UGT2B11: variants seen among roughly 807,000 people sequenced by gnomAD.
UGT2B11 encodes the protein UDP-glucuronosyltransferase 2B11.
UGT2B11 carries 49 observed loss-of-function variants against 51.7 expected under a neutral mutation model. The ratio of observed to expected loss-of-function variants is 0.95; its 90% CI spans 0.75 to 1.20. The LOEUF (loss-of-function observed/expected upper bound fraction) is 1.20. UGT2B11 is among the 50% of genes most tolerant of loss of function. The pLI is 0.00. For synonymous variants in UGT2B11, 273 were observed against 209.0 expected (o/e 1.31, Z -2.64); for missense variants, 810 against 622.1 (o/e 1.30, Z -3.21).
the UGT2B11 span, among the ~76,000 whole-genome samples, chr4:69,222,733 C>T: frequency 6.6e-6 from 1 of 152,244 alleles, no homozygotes; most frequent in Non-Finnish European, 1.5e-5. Flanking sequence ...TCAGGATCAT[C>T]TGAGAATTTC....
the UGT2B11 span, among the ~76,000 whole-genome samples, chr4:69,220,733 T>C: frequency 6.6e-6 from 1 of 151,810 alleles, no homozygotes; most frequent in Non-Finnish European, 1.5e-5. Flanking sequence ...TTTCTATTCA[T>C]TCTCTTATTT....
intron 5 of UGT2B11, among the ~76,000 whole-genome samples, chr4:69,203,218 T>C (rs915414013): frequency 1.3e-5 from 2 of 151,722 alleles, no homozygotes; most frequent in African/African-American, 4.8e-5. Context: ...TAGACATGTT[T>C]TCTAAGAAGA....
intron 3 of UGT2B11, among the ~76,000 whole-genome samples, chr4:69,206,835 G>A (rs561430260): frequency 6.6e-6 from 1 of 151,626 alleles, no homozygotes; most frequent in South Asian, 2.1e-4. Flanking sequence ...AATATGAGAA[G>A]TAGTTTAAAT....
rs72551394 is a variant in UGT2B11, at chr4:69,200,601, G to T, written c.1429C>A (p.Arg477=). The change falls in exon 6 of 6, where the codon CGA becomes AGA. Residue 477 remains arginine, a synonymous_variant. Coordinates refer to ENST00000446444, the MANE Select transcript of UGT2B11 (RefSeq NM_001073.3). ...CAGGTGAGGTCATGGGCTGCAACTC[G>T]AAGGTGTTTGGCTCCTTTGTGGGGC... ...VMPHKGAKHL[R]VAAHDLTWFQ... 60,785 of 1,612,174 alleles carry T rather than the reference G, an allele frequency of 0.038. 1,308 individuals carry two copies. The highest frequency in any genetic ancestry group is 0.19 in the East Asian group (8,553 of 44,678).
intron 3 of UGT2B11, among the ~76,000 whole-genome samples, chr4:69,207,831 ATCT>A (rs1393204657): frequency 6.6e-6 from 1 of 151,640 alleles, no homozygotes; most frequent in African/African-American, 2.4e-5. Flanking sequence ...AGTAAGTGAA[ATCT>A]TCTTCACTCA....
intron 1 of UGT2B11, among the ~76,000 whole-genome samples, chr4:69,213,094 C>T (rs1476595868): frequency 1.3e-5 from 2 of 151,356 alleles, no homozygotes; most frequent in Non-Finnish European, 1.5e-5. Flanking sequence ...TCTACTGTAC[C>T]CATAAAACCA....
chr4:69,206,341 G>C (rs917161117), intron 3 of UGT2B11, among the ~76,000 whole-genome samples: 2 of 151,672 alleles, frequency 1.3e-5, no homozygotes, highest in African/African-American at 4.8e-5. Context: ...GATGGAGCTG[G>C]AGGCCGTTAG....
chr4:69,219,705 A>G (rs1722363869), upstream of UGT2B11, among the ~76,000 whole-genome samples: 1 of 151,910 alleles, frequency 6.6e-6, no homozygotes, highest in Non-Finnish European at 1.5e-5. Flanking sequence ...AAACTATAAG[A>G]TCTCAAGACA....
At position 69,204,711 on chromosome 4, in the gene UGT2B11, G is replaced by C. The variant is rs1194410843; in HGVS notation, c.1091-62C>G. 8.1e-6 allele frequency: 13 copies of C among 1,607,464 alleles called. No individual in the cohort carries two copies. In the African/African-American group the frequency reaches 1.2e-4, roughly 15 times the overall value. ...GAATAAAATGAGATGCACAATGAAA[G>C]GTTCTGAAAGTGACAGTGTTTTCTA... is the stretch of plus-strand genomic sequence containing the variant. On this transcript the variant is annotated intron_variant, in intron 4 of 5. Coordinates refer to ENST00000446444, the MANE Select transcript of UGT2B11 (RefSeq NM_001073.3).
intron 2 of UGT2B11, among the ~76,000 whole-genome samples, chr4:69,212,176 A>G (rs1329614163): frequency 1.3e-5 from 2 of 151,602 alleles, no homozygotes; most frequent in South Asian, 2.1e-4. Context: ...ACTTTTCTAT[A>G]TATCAAAGTA....
the UGT2B11 span, among the ~76,000 whole-genome samples, chr4:69,220,642 G>A: frequency 2.0e-5 from 3 of 151,232 alleles, no homozygotes; most frequent in Non-Finnish European, 4.4e-5. Flanking sequence ...GGCTGTCACA[G>A]GCCTACAAAA....
chr4:69,210,787 C>T (rs1722032031), intron 2 of UGT2B11, among the ~76,000 whole-genome samples: 1 of 151,478 alleles, frequency 6.6e-6, no homozygotes, highest in Non-Finnish European at 1.5e-5. Flanking sequence ...TGAGTTTTAA[C>T]AATGGAATAA....
the UGT2B11 span, among the ~76,000 whole-genome samples, chr4:69,224,928 T>C: frequency 1.3e-5 from 2 of 152,150 alleles, no homozygotes; most frequent in South Asian, 4.1e-4. Flanking sequence ...CAAAGACAAT[T>C]AACATGTCTT....
intron 1 of UGT2B11, 90 bp downstream of exon 1, chr4:69,213,912 C>T: frequency 6.9e-7 from 1 of 1,439,638 alleles, no homozygotes; most frequent in Non-Finnish European, 9.1e-7. Flanking sequence ...CCAAAAACTC[C>T]ACTTCCCTGA....
chr4:69,207,271 C>T (rs1577962427), intron 3 of UGT2B11, among the ~76,000 whole-genome samples: 2 of 151,630 alleles, frequency 1.3e-5, no homozygotes, highest in African/African-American at 2.4e-5. Context: ...AATTTTGAAA[C>T]TCCAAAGCAA....
At chr4:69,209,016 T>C (rs13113695) in intron 2 of UGT2B11, among the ~76,000 whole-genome samples, 2 of 151,786 alleles carry the variant, frequency 1.3e-5, no homozygotes, top group African/African-American at 2.4e-5. Flanking sequence ...TATGTTCCTC[T>C]ACAATGCTTT....
At position 69,214,398 on chromosome 4, in the gene UGT2B11, A is replaced by T. The variant is rs778663703; in HGVS notation, c.325T>A (p.Phe109Ile). 24 of 1,612,930 alleles carry T rather than the reference A, an allele frequency of 1.5e-5. No homozygotes were observed. The Admixed American group carries it at 4.0e-4, about 27-fold the overall frequency. Residue 109 changes from phenylalanine (F) to isoleucine (I), a missense_variant, in exon 1 of 6, where the codon TTT becomes ATT. Physicochemically the swap from Phe to Ile is conservative, Grantham distance 21. Transcript: ENST00000446444. ...CACAGGATTTCTTGTTCTTGTGAAA[A>T]ATATAACCAAAAGCTATCTTTTCGA... ...DIRKDSFWLY[F>I]SQEQEILWEL... is the part of the protein sequence containing the mutation.
At chr4:69,221,367 C>T in the UGT2B11 span, among the ~76,000 whole-genome samples, 1 of 152,114 alleles carries the variant, frequency 6.6e-6, no homozygotes, top group African/African-American at 2.4e-5. Context: ...AGCTTCAGGC[C>T]TTTAGGGATA....
intron 2 of UGT2B11, among the ~76,000 whole-genome samples, chr4:69,210,347 G>A (rs183086937): frequency 6.6e-5 from 10 of 151,366 alleles, no homozygotes; most frequent in South Asian, 4.2e-4. Flanking sequence ...TAATAACTAC[G>A]CATTTTTAAA....
Sources: allele counts gnomAD v4.1 joint callset (sites outside exome capture counted in the v4.1 genomes callset), GRCh38; gene constraint gnomAD v4.1.1; transcripts MANE v1.5; gene names NCBI Gene and HGNC (gene_info 2026-07-23, HGNC 2026-07-21).